Variants in SERPINI2 observed in about 807,000 individuals in gnomAD.
SERPINI2 encodes the protein serpin family I member 2, also known as serpin I2.
Under a neutral mutation model 47.3 loss-of-function variants are expected in SERPINI2, and 48 were observed. The ratio of observed to expected loss-of-function variants is 1.02; its 90% confidence interval spans 0.81 to 1.29. SERPINI2 has a LOEUF of 1.29. SERPINI2 is among the 50% of genes most tolerant of loss of function. The pLI, the probability that SERPINI2 is intolerant of heterozygous loss-of-function variation, is 0.00. For missense variants in SERPINI2, 448 were observed against 456.9 expected, an observed-to-expected ratio of 0.98 and a Z score of 0.18; for synonymous variants, 135 against 149.3, an observed-to-expected ratio of 0.90 and a Z score of 0.70.
intron 5 of SERPINI2, among the ~76,000 whole-genome samples, chr3:167,463,775 C>T (rs73878705): frequency 8.9e-4 from 135 of 151,956 alleles, no homozygotes; most frequent in African/African-American, 2.8e-3. Flanking sequence ...GTTTTCTTTA[C>T]GATATAGAAG....
At chr3:167,454,546 G>T (rs557441405) in intron 5 of SERPINI2, among the ~76,000 whole-genome samples, 1 of 152,130 alleles carries the variant, frequency 6.6e-6, no homozygotes, top group Non-Finnish European at 1.5e-5. Context: ...GGCTTTTAAA[G>T]GGTGGAGAAT....
intron 2 of SERPINI2, among the ~76,000 whole-genome samples, chr3:167,468,432 C>T (rs1004055615): frequency 6.6e-6 from 1 of 151,980 alleles, no homozygotes; most frequent in Non-Finnish European, 1.5e-5. Context: ...CTGGGCAGCT[C>T]CATGGCCTCT....
At chr3:167,467,391 CCTTAGGTATAA>C in intron 2 of SERPINI2, 106 bp from the exon 3 acceptor site, 1 of 703,366 alleles carries the variant, frequency 1.4e-6, no homozygotes. Context: ...TTTTTTGCAC[CCTTAGGTATAA>C]CTAACAATCC....
upstream of SERPINI2, among the ~76,000 whole-genome samples, chr3:167,474,706 T>C (rs886599690): frequency 6.6e-6 from 1 of 151,804 alleles, no homozygotes; most frequent in African/African-American, 2.4e-5. Flanking sequence ...GTTACCTTTA[T>C]GTGCTTTTGA....
rs140419353 is a variant in SERPINI2 at position 167,453,888 on chromosome 3, G to A, written c.867-855C>T. On this transcript the variant is annotated intron_variant, in intron 5 of 8. Transcript: ENST00000264677. ...CCATTTAAATAAAAGTGGGGGTGGG[G>A]GGAAGCTAGTACTTATTGACTTCAT... Among the ~76,000 whole-genome samples, 1,441 of 151,352 alleles carry A rather than the reference G, an allele frequency of 9.5e-3. 21 individuals carry two copies. Among genetic ancestry groups the A allele is most frequent in the African/African-American group, 0.032 (1,313 of 41,302 alleles).
At chr3:167,444,365 G>T (rs1396809834) in intron 8 of SERPINI2, among the ~76,000 whole-genome samples, 3 of 152,108 alleles carry the variant, frequency 2.0e-5, no homozygotes, top group Non-Finnish European at 4.4e-5. Context: ...ATAATGGCTA[G>T]ATTTTGCACA....
In SERPINI2 at chr3:167,465,974, TA is replaced by T. The variant is rs754168824; in HGVS notation, c.479-302del. Reference sequence around the variant, plus strand: ...ACCATTGTATGTCAGACATAAAGAATAAAAATATTACTTCTTCCATATTTAC... The same window carrying T: ...ACCATTGTATGTCAGACATAAAGAATAAAATATTACTTCTTCCATATTTAC... On this transcript the variant is annotated intron_variant, in intron 3 of 8. Coordinates refer to ENST00000264677, the Ensembl canonical transcript of SERPINI2. Among the ~76,000 whole-genome samples, 319 of 152,250 alleles carry T rather than the reference TA, an allele frequency of 2.1e-3. 1 individual carries two copies. Among genetic ancestry groups the T allele is most frequent in the Middle Eastern group, 6.8e-3 (2 of 294 alleles).
At chr3:167,465,144 C>G in intron 5 of SERPINI2, 62 bp downstream of exon 5, 2 of 1,384,446 alleles carry the variant, frequency 1.4e-6, no homozygotes, top group Non-Finnish European at 2.0e-6. Flanking sequence ...TTTCAGCTGA[C>G]TGCTCAAATT....
intron 5 of SERPINI2, among the ~76,000 whole-genome samples, chr3:167,453,489 G>C (rs1191878846): frequency 4.6e-5 from 7 of 152,290 alleles, no homozygotes; most frequent in South Asian, 4.1e-4. Context: ...TATTAAGGAA[G>C]AGAGAAATAT....
At chr3:167,446,553 C>T in intron 7 of SERPINI2, 72 bp from the exon 8 acceptor site, 1 of 988,212 alleles carries the variant, frequency 1.0e-6, no homozygotes, top group Non-Finnish European at 1.5e-6. Flanking sequence ...ATTCATAATA[C>T]ATTTTGTAGA....
chr3:167,470,550 CTTT>C (rs536884425), intron 2 of SERPINI2, among the ~76,000 whole-genome samples: 3 of 93,048 alleles, frequency 3.2e-5, no homozygotes, highest in African/African-American at 1.1e-4. Flanking sequence ...TGAGCAACAA[CTTT>C]TTTTTTTTTT....
rs1013804416 is a variant in SERPINI2, at chr3:167,474,049, C to T, written c.-57G>A. On this transcript the variant is annotated 5_prime_UTR_variant, in exon 1 of 9. Transcript: ENST00000264677. ...TCACTGGAATGTTACAACTAAAATACGCTTGCTGGAAAACTCTTGTACATA... is the reference window on the plus strand; with the variant it reads ...TCACTGGAATGTTACAACTAAAATATGCTTGCTGGAAAACTCTTGTACATA... 38 of 1,053,890 alleles carry T rather than the reference C, an allele frequency of 3.6e-5. No homozygotes were observed. In the Admixed American group the frequency reaches 9.7e-4, roughly 27 times the overall value. 65.3% of individuals were successfully genotyped at this position (1,053,890 alleles called of 1,614,324 possible).
At chr3:167,443,326 C>T (rs1274155858) in intron 8 of SERPINI2, among the ~76,000 whole-genome samples, 1 of 152,184 alleles carries the variant, frequency 6.6e-6, no homozygotes, top group Non-Finnish European at 1.5e-5. Context: ...CTGGGATGGT[C>T]TCGATCTCCT....
chr3:167,447,561 A>G (rs1393863791), intron 7 of SERPINI2, among the ~76,000 whole-genome samples: 1 of 152,204 alleles, frequency 6.6e-6, no homozygotes, highest in African/African-American at 2.4e-5. Context: ...AATGAGAGAC[A>G]GTGGGCAATA....
chr3:167,454,908 T>C (rs578075398), intron 5 of SERPINI2, among the ~76,000 whole-genome samples: 13 of 152,302 alleles, frequency 8.5e-5, no homozygotes, highest in African/African-American at 2.2e-4. Context: ...CATTAACGTA[T>C]AAGAAAATAG....
chr3:167,445,239 G>A lies in SERPINI2; in HGVS notation c.1141+1153C>T, dbSNP rs117482980. On this transcript the variant is annotated intron_variant, in intron 8 of 8. Coordinates refer to ENST00000264677, the Ensembl canonical transcript of SERPINI2. The stretch of plus-strand genomic sequence containing the variant: ...TTACTGGGCCAATAATATCAGTATC[G>A]CTAGTTCATCTAATAGATTCAGATT... Among the ~76,000 whole-genome samples the A allele has an allele frequency of 1.6e-3, 241 of 152,172 alleles. 5 individuals carry two copies. In the East Asian group the frequency reaches 0.03, roughly 19 times the overall value.
chr3:167,457,315 C>T (rs1448949166), intron 5 of SERPINI2, among the ~76,000 whole-genome samples: 2 of 152,186 alleles, frequency 1.3e-5, no homozygotes, highest in Admixed American at 1.3e-4. Context: ...GGAAGTATAT[C>T]CTAGACCTCT....
In SERPINI2 at chr3:167,449,460, C is replaced by T. The variant is rs368497704; in HGVS notation, c.965-58G>A. ...AAGAGTTAAAATCAAAAGCCGTTAC[C>T]TATTAGATCTCAATTAATTACATTT... On this transcript the variant is annotated intron_variant, in intron 6 of 8. Transcript: ENST00000264677. The T allele has an allele frequency of 4.5e-5, 41 of 904,124 alleles. No homozygotes were observed. The African/African-American group carries it at 6.4e-4, about 14-fold the overall frequency. The allele number at this position is 904,124 out of a possible 1,614,324, so 56.0% of individuals were successfully genotyped here. A position where few individuals can be genotyped will look rare whatever the true frequency, so the allele number is the denominator to read the frequency against.
At chr3:167,471,808 A>G (rs1488859017) in exon 2 of SERPINI2, 33 of 1,611,278 alleles carry the variant, frequency 2.0e-5, no homozygotes, top group Non-Finnish European at 2.8e-5. Flanking sequence ...ACAGCAATAG[A>G]AGACTCCACA....
Sources: allele counts gnomAD v4.1 joint callset (sites outside exome capture counted in the v4.1 genomes callset), GRCh38; gene constraint gnomAD v4.1.1; transcripts MANE v1.5; gene names NCBI Gene and HGNC (gene_info 2026-07-23, HGNC 2026-07-21).